PDZD2: variants seen among roughly 807,000 people sequenced by gnomAD.
PDZD2 encodes the protein PDZ domain containing 2, also known as PDZ domain-containing protein 2.
Under a neutral mutation model 220.7 loss-of-function variants are expected in PDZD2, and 90 were observed. The observed-to-expected ratio is 0.41, with a 90% CI of 0.34 to 0.49. The LOEUF is 0.49. Ranked by LOEUF, PDZD2 falls within the 20% of genes least tolerant of loss-of-function variation. PDZD2 has a pLI of 0.28. For synonymous variants in PDZD2, 1,375 were observed against 1,450.5 expected, an observed-to-expected ratio of 0.95 and a Z score of 1.18; for missense variants, 3,174 against 3,608.5, an observed-to-expected ratio of 0.88 and a Z score of 3.08.
At chr5:31,803,949 G>A (rs1754560467) in intron 2 of PDZD2, among the ~76,000 whole-genome samples, 3 of 151,714 alleles carry the variant, frequency 2.0e-5, no homozygotes, top group South Asian at 4.2e-4. Flanking sequence ...TGAGGTGGGA[G>A]GATTGCTTAA....
chr5:31,855,728 A>G (rs865967505), intron 2 of PDZD2, among the ~76,000 whole-genome samples: 4 of 152,244 alleles, frequency 2.6e-5, no homozygotes, highest in African/African-American at 9.6e-5. Context: ...CCAAATTACT[A>G]AACAGCCTGC....
At chr5:31,838,932 G>A (rs1366178620) in intron 2 of PDZD2, among the ~76,000 whole-genome samples, 1 of 152,146 alleles carries the variant, frequency 6.6e-6, no homozygotes, top group African/African-American at 2.4e-5. Context: ...TGGGAGAGAG[G>A]GCTCAGCCTC....
At chr5:31,919,282 T>C (rs1165933969) in intron 2 of PDZD2, among the ~76,000 whole-genome samples, 1 of 152,190 alleles carries the variant, frequency 6.6e-6, no homozygotes, top group East Asian at 1.9e-4. Flanking sequence ...AAAGATTCAG[T>C]TATTATTCAT....
At chr5:32,006,907 C>CTTTTTTT (rs1173189592) in intron 5 of PDZD2, among the ~76,000 whole-genome samples, 3 of 47,844 alleles carry the variant, frequency 6.3e-5, no homozygotes, top group Non-Finnish European at 9.9e-5. Context: ...CCATGCTGGT[C>CTTTTTTT]TTTTTTTTTT....
intron 2 of PDZD2, among the ~76,000 whole-genome samples, chr5:31,832,820 A>G (rs1756695976): frequency 6.6e-6 from 1 of 152,322 alleles, no homozygotes; most frequent in East Asian, 1.9e-4. Flanking sequence ...TGTCTCAAAA[A>G]AAATTAAAAT....
At chr5:31,851,097 C>A (rs1470036914) in intron 2 of PDZD2, among the ~76,000 whole-genome samples, 45 of 152,050 alleles carry the variant, frequency 3.0e-4, no homozygotes, top group Admixed American at 3.0e-3. Flanking sequence ...TAAACAACTC[C>A]AAATCCTTTA....
At chr5:32,036,944 C>G (rs1328640940) in intron 6 of PDZD2, among the ~76,000 whole-genome samples, 1 of 152,168 alleles carries the variant, frequency 6.6e-6, no homozygotes, top group Non-Finnish European at 1.5e-5. Context: ...ACGAAGTGGC[C>G]CTGGGGGCCC....
intron 7 of PDZD2, among the ~76,000 whole-genome samples, chr5:32,046,537 C>A (rs1055343453): frequency 2.0e-5 from 3 of 152,058 alleles, no homozygotes; most frequent in Non-Finnish European, 4.4e-5. Context: ...GCCACCGCAC[C>A]CAGCCTAAAT....
chr5:32,050,218 A>G (rs987090692), intron 8 of PDZD2, among the ~76,000 whole-genome samples: 8 of 152,072 alleles, frequency 5.3e-5, no homozygotes, highest in Admixed American at 1.3e-4. Context: ...GGCGTGAGCC[A>G]CCGTGCCCGG....
At chr5:31,938,447 C>T (rs147896648) in intron 2 of PDZD2, among the ~76,000 whole-genome samples, 1 of 152,262 alleles carries the variant, frequency 6.6e-6, no homozygotes, top group East Asian at 1.9e-4. Flanking sequence ...AACTATGTGC[C>T]TGTGGTTGGA....
At position 31,870,997 on chromosome 5, in the gene PDZD2, G is replaced by A. The variant is rs754770491; in HGVS notation, c.476+71273G>A. 2.2e-4 allele frequency among the ~76,000 whole-genome samples: 33 copies of A among 152,082 alleles called. 1 individual carries two copies. The highest frequency in any genetic ancestry group is 2.9e-5 in the Non-Finnish European group (2 of 68,020). ...CAAAATGTAGCTGTAATCACAGGAAGTGGTGTAAAAATGCCAATGCCACTG... is the reference window on the plus strand; with the variant it reads ...CAAAATGTAGCTGTAATCACAGGAAATGGTGTAAAAATGCCAATGCCACTG... On this transcript the variant is annotated intron_variant, in intron 2 of 24. Coordinates refer to ENST00000438447, the MANE Select transcript of PDZD2 (RefSeq NM_178140.4).
intron 2 of PDZD2, among the ~76,000 whole-genome samples, chr5:31,895,168 G>A (rs1001127804): frequency 1.3e-5 from 2 of 152,166 alleles, no homozygotes; most frequent in Non-Finnish European, 2.9e-5. Flanking sequence ...GATTACAGGC[G>A]TGAGCCACCG....
At chr5:32,101,582 CCT>C (rs965777856) in intron 24 of PDZD2, among the ~76,000 whole-genome samples, 4 of 152,182 alleles carry the variant, frequency 2.6e-5, no homozygotes, top group African/African-American at 9.6e-5. Flanking sequence ...ACTCCGGGCC[CCT>C]CTCTCTGATG....
Position 32,098,519 on chromosome 5 carries a change from C to G in PDZD2, c.8103C>G (p.Leu2701=). The change falls in exon 23 of 25, where the codon CTC becomes CTG. Residue 2701 remains leucine, a synonymous_variant. Transcript: ENST00000438447. The surrounding 1 kb of genome is among the most constrained non-coding windows in gnomAD (Gnocchi z 4.1). ...AGGCACAGCTGCACAAAGATGCCCT[C>G]GTGGTCATCAAGAAAGGGATGGATC... ...LHQAQLHKDA[L]VVIKKGMDQP... 1 of 1,614,128 alleles carries G rather than the reference C, an allele frequency of 6.2e-7. No individual in the cohort carries two copies. The highest frequency in any genetic ancestry group is 8.5e-7 in the Non-Finnish European group (1 of 1,180,012).
In PDZD2 at chr5:31,989,424, T is replaced by TTTTTTTTTTTTTTTTTATTTATTTATTTA. The variant is rs1429240437; in HGVS notation, c.978+5784_978+5785insATTTATTTATTTATTTTTTTTTTTTTTTT. On this transcript the variant is annotated intron_variant, in intron 3 of 24. Transcript: ENST00000438447. ...GGTATATACCACATTTTCTTTTCTTTTTTTTTTTTTTTTTTTGAGACGAAG... is the reference window on the plus strand; with the variant it reads ...GGTATATACCACATTTTCTTTTCTTTTTTTTTTTTTTTTTTTATTTATTTATTTATTTTTTTTTTTTTTTTGAGACGAAG... Among the ~76,000 whole-genome samples, 341 of 136,428 alleles carry TTTTTTTTTTTTTTTTTATTTATTTATTTA rather than the reference T, an allele frequency of 2.5e-3. 8 individuals are homozygous for TTTTTTTTTTTTTTTTTATTTATTTATTTA. The highest frequency in any genetic ancestry group is 0.022 in the East Asian group (81 of 3,710). The allele number at this position is 136,428 out of a possible 152,430, so 89.5% of individuals were successfully genotyped here.
At chr5:31,966,501 A>T (rs1053282397) in intron 2 of PDZD2, among the ~76,000 whole-genome samples, 1 of 152,234 alleles carries the variant, frequency 6.6e-6, no homozygotes, top group African/African-American at 2.4e-5. Flanking sequence ...TCCTGTCTGA[A>T]TATAACTGAG....
At chr5:32,037,462 TA>T in intron 7 of PDZD2, 120 bp downstream of exon 7, 1 of 644,406 alleles carries the variant, frequency 1.6e-6, no homozygotes. Flanking sequence ...AAATCATTTT[TA>T]CCTTGGATGG....
intron 2 of PDZD2, among the ~76,000 whole-genome samples, chr5:31,880,791 CTTTTTTTTTTTT>C (rs1037018187): frequency 1.3e-5 from 1 of 76,486 alleles, no homozygotes; most frequent in Non-Finnish European, 2.4e-5. Context: ...TTTTTTTTTT[CTTTTTTTTTTTT>C]TTTTTTTTTT....
rs68030122 is a variant in PDZD2 at position 32,058,512 on chromosome 5, TA to T, written c.2200+421del. Among the ~76,000 whole-genome samples the T allele has an allele frequency of 9.3e-3, 1,381 of 148,652 alleles. 18 individuals carry two copies. Among genetic ancestry groups the T allele is most frequent in the African/African-American group, 0.032 (1,284 of 39,730 alleles). The stretch of plus-strand genomic sequence containing the variant: ...GGCGAAACCCCGTTTCTACTAAAAA[TA>T]AAAAAAAAAAATTAGCTGGGCGTGG... On this transcript the variant is annotated intron_variant, in intron 12 of 24. Coordinates refer to ENST00000438447, the MANE Select transcript of PDZD2 (RefSeq NM_178140.4).
Sources: gnomAD v4.1 joint callset for allele counts (sites outside exome capture counted in the v4.1 genomes callset) on GRCh38, gnomAD v4.1.1 for gene constraint, Gnocchi (gnomAD v3.1) non-coding constraint, MANE v1.5 for transcripts, NCBI Gene and HGNC (gene_info 2026-07-23, HGNC 2026-07-21) for gene names.